KHDRBS2: variants seen among roughly 807,000 people sequenced by gnomAD.
The protein encoded by KHDRBS2 is KH domain-containing, RNA-binding, signal transduction-associated protein 2.
Under a neutral mutation model 44.3 loss-of-function variants are expected in KHDRBS2, and 26 were observed. The observed-to-expected ratio is 0.59, with a 90% CI of 0.43 to 0.81. The LOEUF (loss-of-function observed/expected upper bound fraction) is 0.81, where lower values mean the gene tolerates loss of function less well. Ranked by LOEUF, KHDRBS2 falls within the 40% of genes least tolerant of loss-of-function variation. KHDRBS2 has a pLI of 0.00. For synonymous variants in KHDRBS2, 194 were observed against 151.1 expected (o/e 1.28, Z -2.08); for missense variants, 476 against 433.1 (o/e 1.10, Z -0.88).
intron 4 of KHDRBS2, among the ~76,000 whole-genome samples, chr6:61,965,686 A>AAT (rs1248282257): frequency 6.6e-6 from 1 of 151,804 alleles, no homozygotes; most frequent in African/African-American, 2.4e-5. Flanking sequence ...ATAAATAAAT[A>AAT]ATATATATAA....
At chr6:62,107,274 T>C (rs1260736032) in intron 2 of KHDRBS2, among the ~76,000 whole-genome samples, 2 of 152,078 alleles carry the variant, frequency 1.3e-5, no homozygotes, top group African/African-American at 4.8e-5. Context: ...TGTATGAAAA[T>C]CACAAGCATT....
chr6:61,863,634 G>A (rs968885734), intron 6 of KHDRBS2, among the ~76,000 whole-genome samples: 3 of 152,164 alleles, frequency 2.0e-5, no homozygotes, highest in South Asian at 4.1e-4. Flanking sequence ...TGATTGTACT[G>A]TGATCCAAGA....
At chr6:62,010,296 C>T (rs941575259) in intron 3 of KHDRBS2, among the ~76,000 whole-genome samples, 1 of 152,124 alleles carries the variant, frequency 6.6e-6, no homozygotes, top group African/African-American at 2.4e-5. Flanking sequence ...CAATTTCTCC[C>T]ATTTGGAATG....
chr6:61,759,478 A>C (rs942068437), intron 6 of KHDRBS2, among the ~76,000 whole-genome samples: 1 of 152,192 alleles, frequency 6.6e-6, no homozygotes, highest in Non-Finnish European at 1.5e-5. Context: ...AAACATTATG[A>C]AGATACTATT....
At position 61,912,680 on chromosome 6, in the gene KHDRBS2, ACCATCTATATAGCTCTCTG is replaced by A. The variant is rs1388565932; in HGVS notation, c.484-11328_484-11310del. 1.2e-4 allele frequency among the ~76,000 whole-genome samples: 18 copies of A among 152,210 alleles called. No homozygotes were observed. In the East Asian group the frequency reaches 3.3e-3, roughly 28 times the overall value. ...TCCCCAAGATCTGCTAATTCCACAG[ACCATCTATATAGCTCTCTG>A]CAAGAGCACTACAGTCAGCTGAATC... On this transcript the variant is annotated intron_variant, in intron 4 of 8. Coordinates refer to ENST00000281156, the MANE Select transcript of KHDRBS2 (RefSeq NM_152688.4).
At chr6:62,133,129 T>C (rs1198705660) in intron 2 of KHDRBS2, among the ~76,000 whole-genome samples, 1 of 152,054 alleles carries the variant, frequency 6.6e-6, no homozygotes, top group African/African-American at 2.4e-5. Context: ...CAAATGTTAG[T>C]GAGGGTGTGG....
chr6:62,102,370 T>G (rs1422002830), intron 2 of KHDRBS2, among the ~76,000 whole-genome samples: 1 of 152,144 alleles, frequency 6.6e-6, no homozygotes, highest in African/African-American at 2.4e-5. Context: ...GTACTGCAAG[T>G]GGCTTCCACT....
At chr6:61,954,370 C>A (rs1222446541) in intron 4 of KHDRBS2, among the ~76,000 whole-genome samples, 1 of 54,924 alleles carries the variant, frequency 1.8e-5, no homozygotes, top group Non-Finnish European at 5.2e-5. Flanking sequence ...TACATATATA[C>A]GTATGTATGC....
At chr6:61,728,032 T>C (rs545437495) in intron 7 of KHDRBS2, among the ~76,000 whole-genome samples, 3 of 151,460 alleles carry the variant, frequency 2.0e-5, no homozygotes, top group African/African-American at 7.2e-5. Context: ...CTAAACCATG[T>C]TGGGTTGATT....
the KHDRBS2 span, among the ~76,000 whole-genome samples, chr6:61,608,145 C>CTT: frequency 6.6e-6 from 1 of 152,062 alleles, no homozygotes; most frequent in East Asian, 1.9e-4. Flanking sequence ...AGCCCAGATA[C>CTT]TTTTTATGAA....
At chr6:62,110,538 A>G (rs1173186983) in intron 2 of KHDRBS2, among the ~76,000 whole-genome samples, 1 of 152,114 alleles carries the variant, frequency 6.6e-6, no homozygotes, top group Non-Finnish European at 1.5e-5. Flanking sequence ...TTACACATAC[A>G]GAACATGGAT....
intron 4 of KHDRBS2, among the ~76,000 whole-genome samples, chr6:61,965,539 GTAGA>G (rs1342259294): frequency 1.3e-5 from 2 of 152,010 alleles, no homozygotes; most frequent in Non-Finnish European, 2.9e-5. Context: ...GCAAGAGAGG[GTAGA>G]TATTTTCCAG....
chr6:62,117,421 A>C (rs1052072814), intron 2 of KHDRBS2, among the ~76,000 whole-genome samples: 3 of 152,108 alleles, frequency 2.0e-5, no homozygotes, highest in Non-Finnish European at 4.4e-5. Context: ...ATGTCTATTC[A>C]ATCATTTCAA....
At chr6:61,874,643 A>G (rs1799152691) in intron 6 of KHDRBS2, among the ~76,000 whole-genome samples, 1 of 152,212 alleles carries the variant, frequency 6.6e-6, no homozygotes, top group Non-Finnish European at 1.5e-5. Context: ...AAAAGCACCT[A>G]TCTAAATGTG....
intron 6 of KHDRBS2, among the ~76,000 whole-genome samples, chr6:61,849,458 C>T (rs1210867429): frequency 1.3e-5 from 2 of 151,986 alleles, no homozygotes; most frequent in African/African-American, 2.4e-5. Context: ...GAAACATCTA[C>T]ATTATTAAAT....
intron 4 of KHDRBS2, among the ~76,000 whole-genome samples, chr6:61,963,011 T>C (rs1583822428): frequency 6.6e-6 from 1 of 152,202 alleles, no homozygotes; most frequent in Non-Finnish European, 1.5e-5. Context: ...TCTGTTTTTA[T>C]TTCTCACACT....
intron 4 of KHDRBS2, among the ~76,000 whole-genome samples, chr6:61,907,432 T>G (rs1164126057): frequency 1.3e-5 from 2 of 152,216 alleles, no homozygotes. Flanking sequence ...TATCCATTTT[T>G]GTTTTAGTTG....
At chr6:61,866,630 A>G (rs2127299179) in intron 6 of KHDRBS2, among the ~76,000 whole-genome samples, 1 of 152,270 alleles carries the variant, frequency 6.6e-6, no homozygotes, top group Non-Finnish European at 1.5e-5. Context: ...TTTCTATCAC[A>G]TTATCAGGTT....
intron 6 of KHDRBS2, among the ~76,000 whole-genome samples, chr6:61,782,839 G>A (rs1202346038): frequency 2.0e-5 from 3 of 151,034 alleles, no homozygotes; most frequent in African/African-American, 7.3e-5. Flanking sequence ...TCAAACTGAT[G>A]GTTGGGTCCA....
Sources: allele counts gnomAD v4.1 joint callset (sites outside exome capture counted in the v4.1 genomes callset), GRCh38; gene constraint gnomAD v4.1.1; transcripts MANE v1.5; gene names NCBI Gene and HGNC (gene_info 2026-07-23, HGNC 2026-07-21).